ATP2B2: variants seen among roughly 807,000 people sequenced by gnomAD.
ATP2B2 encodes the protein plasma membrane calcium-transporting ATPase 2.
A neutral mutation model predicts 120.0 loss-of-function variants in ATP2B2; 15 were observed. That is an observed-to-expected ratio of 0.12 (90% CI 0.08 to 0.19). The LOEUF is 0.19. ATP2B2 is among the 10% of genes least tolerant of loss of function. ATP2B2 has a pLI of 1.00. For missense variants in ATP2B2, 1,045 were observed against 1,719.8 expected (o/e 0.61, Z 6.94); for synonymous variants, 694 against 700.3 (o/e 0.99, Z 0.14).
At chr3:10,471,726 A>G (rs571284004) in intron 1 of ATP2B2, among the ~76,000 whole-genome samples, 1 of 152,306 alleles carries the variant, frequency 6.6e-6, no homozygotes, top group East Asian at 1.9e-4. Context: ...GTGTGTCTGT[A>G]TACATCAAAG....
At chr3:10,516,933 C>T (rs1219075305) in intron 3 of ATP2B2, among the ~76,000 whole-genome samples, 1 of 151,888 alleles carries the variant, frequency 6.6e-6, no homozygotes, top group Non-Finnish European at 1.5e-5. Flanking sequence ...CTTTGAAGGG[C>T]AATGCTTGTT....
chr3:10,538,673 A>G (rs1286984777), intron 2 of ATP2B2, among the ~76,000 whole-genome samples: 2 of 152,238 alleles, frequency 1.3e-5, no homozygotes. Context: ...ACAAAATTCA[A>G]CAGTGCTTCA....
chr3:10,561,399 C>T (rs2067901151), intron 2 of ATP2B2, among the ~76,000 whole-genome samples: 2 of 152,282 alleles, frequency 1.3e-5, no homozygotes, highest in South Asian at 2.1e-4. Flanking sequence ...CCAGCGGTCC[C>T]CTGGCATTTA....
chr3:10,349,806 A>G (rs1054399502), intron 16 of ATP2B2, among the ~76,000 whole-genome samples: 1 of 152,194 alleles, frequency 6.6e-6, no homozygotes, highest in Non-Finnish European at 1.5e-5. Flanking sequence ...TGTACCGGCC[A>G]CATAGAACAC....
At chr3:10,339,899 G>GTC (rs1306971252) in intron 21 of ATP2B2, among the ~76,000 whole-genome samples, 1 of 152,186 alleles carries the variant, frequency 6.6e-6, no homozygotes, top group Non-Finnish European at 1.5e-5. Context: ...TAATGTTTTT[G>GTC]TTAGCTTCCA....
chr3:10,476,315 G>C (rs2065200894), intron 1 of ATP2B2, among the ~76,000 whole-genome samples: 1 of 152,060 alleles, frequency 6.6e-6, no homozygotes, highest in African/African-American at 2.4e-5. Context: ...GAAGCCTTTG[G>C]CTCTCACTAG....
chr3:10,661,307 T>G (rs186065148), intron 1 of ATP2B2, among the ~76,000 whole-genome samples: 98 of 152,222 alleles, frequency 6.4e-4, no homozygotes, highest in Middle Eastern at 3.4e-3. Context: ...GAAGTCAAAT[T>G]GTCTCTGTTT....
intron 1 of ATP2B2, among the ~76,000 whole-genome samples, chr3:10,457,656 G>T (rs2064319730): frequency 6.6e-6 from 1 of 152,124 alleles, no homozygotes; most frequent in Admixed American, 6.5e-5. Flanking sequence ...GTCTGTGTAT[G>T]TGCTCAAAGC....
At chr3:10,337,938 C>T (rs901578331) in intron 22 of ATP2B2, among the ~76,000 whole-genome samples, 3 of 152,170 alleles carry the variant, frequency 2.0e-5, no homozygotes, top group Admixed American at 6.5e-5. Flanking sequence ...TGACCCCTAC[C>T]ACTTCCCCGT....
intron 2 of ATP2B2, among the ~76,000 whole-genome samples, chr3:10,550,474 T>C (rs1369290381): frequency 1.3e-5 from 2 of 152,198 alleles, no homozygotes; most frequent in South Asian, 2.1e-4. Context: ...AGACCAGTTT[T>C]TTTTACACCC....
rs771149479 is a variant in ATP2B2, at chr3:10,388,352, C to T, written c.832G>A (p.Val278Met). ...SGRMLVTAVG[V>M]NSQTGIIFTL... ...AAGATGATGCCAGTCTGAGAGTTCACACCCACAGCAGTCACCAACATCCGT... is the reference window on the plus strand; with the variant it reads ...AAGATGATGCCAGTCTGAGAGTTCATACCCACAGCAGTCACCAACATCCGT... The change falls in exon 6 of 23, where the codon GTG becomes ATG. Residue 278 changes from valine to methionine, a missense_variant. This residue lies in a region of ATP2B2 where 145 missense variants were observed against 202.0 expected (regional missense o/e 0.72). Coordinates refer to ENST00000360273, the MANE Select transcript of ATP2B2 (RefSeq NM_001001331.4). 8.7e-6 allele frequency: 14 copies of T among 1,614,228 alleles called. No individual in the cohort carries two copies. The highest frequency in any genetic ancestry group is 1.1e-5 in the Non-Finnish European group (13 of 1,180,034).
At chr3:10,690,424 C>G (rs1370961518) in intron 1 of ATP2B2, among the ~76,000 whole-genome samples, 2 of 146,274 alleles carry the variant, frequency 1.4e-5, no homozygotes, top group Non-Finnish European at 3.0e-5. Context: ...AACAGAATAT[C>G]TATATCTATA....
At chr3:10,691,942 G>T (rs141759956) in intron 1 of ATP2B2, among the ~76,000 whole-genome samples, 11 of 152,294 alleles carry the variant, frequency 7.2e-5, no homozygotes, top group Non-Finnish European at 5.9e-5. Context: ...ATACTGCGAT[G>T]GTCTGATCCC....
Position 10,328,831 on chromosome 3 carries a change from G to A in ATP2B2, c.3715C>T (p.Leu1239=). 6.2e-7 allele frequency: 1 copy of A among 1,611,488 alleles called. No homozygotes were observed. The highest frequency in any genetic ancestry group is 8.5e-7 in the Non-Finnish European group (1 of 1,177,804). The change falls in exon 23 of 23, where the codon CTG becomes TTG. Residue 1239 remains leucine (L), a synonymous_variant. Transcript: ENST00000360273. ...GTCCTCAGCTAAAGCGACGTCTCCA[G>A]GCTGTGGATGGGGCTCCCTGGACTT... The part of the protein sequence containing the change: ...SSSPGSPIHS[L]ETSL
intron 3 of ATP2B2, among the ~76,000 whole-genome samples, chr3:10,524,205 A>G (rs2067043654): frequency 6.6e-6 from 1 of 152,156 alleles, no homozygotes; most frequent in South Asian, 2.1e-4. Context: ...CTGCATCCTG[A>G]ACGTGGGAGC....
intron 5 of ATP2B2, chr3:10,394,601 G>A (rs755713096): frequency 7.3e-5 from 33 of 450,400 alleles, no homozygotes; most frequent in South Asian, 2.4e-4. Context: ...TCACGGTGTC[G>A]TCCTAGGCTC....
intron 14 of ATP2B2, among the ~76,000 whole-genome samples, chr3:10,356,925 G>A (rs1574999841): frequency 6.6e-6 from 1 of 151,968 alleles, no homozygotes; most frequent in Non-Finnish European, 1.5e-5. Flanking sequence ...ATAGGAGTGA[G>A]GAAGCCACAA....
chr3:10,497,207 C>G (rs11926704), intron 1 of ATP2B2, among the ~76,000 whole-genome samples: 20,507 of 152,216 alleles, frequency 0.13, 2,939 homozygotes, highest in African/African-American at 0.37. Flanking sequence ...GATGTATCTG[C>G]TGGTGGCTTC....
intron 2 of ATP2B2, among the ~76,000 whole-genome samples, chr3:10,542,038 AG>A (rs151034266): frequency 0.044 from 6,704 of 152,204 alleles, 284 homozygotes; most frequent in African/African-American, 0.12. Flanking sequence ...TTTGCTCTGA[AG>A]TTGACTTTAT....
Sources: gnomAD v4.1 joint callset for allele counts (sites outside exome capture counted in the v4.1 genomes callset) on GRCh38, gnomAD v4.1.1 for gene constraint, gnomAD v4.1.1 regional missense constraint, MANE v1.5 for transcripts, NCBI Gene and HGNC (gene_info 2026-07-23, HGNC 2026-07-21) for gene names.